Variants in VIT observed in about 807,000 individuals in gnomAD.
The protein encoded by VIT is vitrin.
A neutral mutation model predicts 78.0 loss-of-function variants in VIT; 99 were observed. That is an observed-to-expected ratio of 1.27 (90% CI 1.08 to 1.50). VIT has a LOEUF of 1.50. Among genes scored for constraint, VIT ranks in the 40% most tolerant of loss-of-function variants. The pLI, the probability that VIT is intolerant of heterozygous loss-of-function variation, is 0.00. For missense variants in VIT, 1,126 were observed against 875.3 expected, an observed-to-expected ratio of 1.29 and a Z score of -3.61; for synonymous variants, 374 against 334.3, an observed-to-expected ratio of 1.12 and a Z score of -1.29.
chr2:36,705,579 C>T (rs908620885), intron 1 of VIT, among the ~76,000 whole-genome samples: 1 of 152,160 alleles, frequency 6.6e-6, no homozygotes, highest in Non-Finnish European at 1.5e-5. Flanking sequence ...CACGGGCATA[C>T]ATCAGCTGTG....
Position 36,814,302 on chromosome 2 carries a change from T to C in VIT, c.2023T>C (p.Tyr675His). Residue 675 changes from tyrosine (Y) to histidine (H), a missense_variant, in exon 16 of 16, where the codon TAT becomes CAT. Tyr to His is a moderately conservative substitution (Grantham distance 83, BLOSUM62 2). Transcript: ENST00000379242. Reference sequence around the variant, plus strand: ...GGACGAGTTTGACAACCTCCATCAGTATGTCCCCAGGATCATCCAGAACAT... The same window carrying C: ...GGACGAGTTTGACAACCTCCATCAGCATGTCCCCAGGATCATCCAGAACAT... ...FVDEFDNLHQ[Y>H]VPRIIQNICT... is the part of the protein sequence containing the mutation. 4 of 1,614,206 alleles carry C rather than the reference T, an allele frequency of 2.5e-6. No individual in the cohort carries two copies. The highest frequency in any genetic ancestry group is 2.5e-6 in the Non-Finnish European group (3 of 1,180,040).
chr2:36,702,078 A>G (rs4670589), intron 1 of VIT, among the ~76,000 whole-genome samples: 126,530 of 152,126 alleles, frequency 0.83, 53,337 homozygotes, highest in Middle Eastern at 0.95. Flanking sequence ...GATGATTTGC[A>G]TTGCATGATT....
chr2:36,733,229 A>G (rs72855804), intron 3 of VIT, among the ~76,000 whole-genome samples: 7,168 of 152,214 alleles, frequency 0.047, 454 homozygotes, highest in African/African-American at 0.14. Flanking sequence ...ATACAGCTGT[A>G]ACTCCCTCCA....
intron 12 of VIT, among the ~76,000 whole-genome samples, chr2:36,800,087 C>G (rs1666209402): frequency 6.6e-6 from 1 of 151,876 alleles, no homozygotes; most frequent in South Asian, 2.1e-4. Flanking sequence ...TGGCTCACGC[C>G]TGTAATCCTA....
chr2:36,762,370 CAG>C (rs1669177167), intron 6 of VIT, among the ~76,000 whole-genome samples: 1 of 152,148 alleles, frequency 6.6e-6, no homozygotes, highest in Admixed American at 6.5e-5. Flanking sequence ...CTATGATGGT[CAG>C]AGTCGGAAAA....
At chr2:36,746,550 T>C (rs2148525708) in intron 4 of VIT, among the ~76,000 whole-genome samples, 1 of 152,280 alleles carries the variant, frequency 6.6e-6, no homozygotes, top group African/African-American at 2.4e-5. Context: ...TTACAGGACT[T>C]TATGCATTTC....
intron 12 of VIT, among the ~76,000 whole-genome samples, chr2:36,799,934 G>C (rs1666193356): frequency 6.6e-6 from 1 of 151,788 alleles, no homozygotes; most frequent in South Asian, 2.1e-4. Context: ...GGTAGTCCCA[G>C]CTACTTGGGA....
At chr2:36,749,836 T>C (rs1668351257) in intron 4 of VIT, among the ~76,000 whole-genome samples, 1 of 152,252 alleles carries the variant, frequency 6.6e-6, no homozygotes. Context: ...TGTTCAGTTG[T>C]ACCTCTGCAA....
At chr2:36,802,560 A>C (rs1666407791) in intron 13 of VIT, among the ~76,000 whole-genome samples, 1 of 152,192 alleles carries the variant, frequency 6.6e-6, no homozygotes, top group Non-Finnish European at 1.5e-5. Flanking sequence ...ATGCTAAATA[A>C]ACACTAGCCA....
intron 13 of VIT, among the ~76,000 whole-genome samples, chr2:36,801,634 C>T (rs559852329): frequency 2.0e-5 from 3 of 152,038 alleles, no homozygotes; most frequent in Admixed American, 1.3e-4. Context: ...ATGGTTAAAC[C>T]CTCTTTCTAC....
At chr2:36,800,278 G>C (rs1666225569) in intron 12 of VIT, among the ~76,000 whole-genome samples, 2 of 152,184 alleles carry the variant, frequency 1.3e-5, no homozygotes, top group Admixed American at 1.3e-4. Context: ...CCGGGCGGCA[G>C]AGGTTACAGT....
chr2:36,761,614 C>A (rs1669125527), intron 6 of VIT, among the ~76,000 whole-genome samples: 1 of 152,068 alleles, frequency 6.6e-6, no homozygotes, highest in African/African-American at 2.4e-5. Flanking sequence ...GTGACACGTG[C>A]CTGTAGTCCC....
intron 3 of VIT, among the ~76,000 whole-genome samples, chr2:36,734,829 T>C (rs1004620272): frequency 1.3e-5 from 2 of 152,152 alleles, no homozygotes; most frequent in African/African-American, 4.8e-5. Flanking sequence ...TTAGCACCAC[T>C]GGTGGGGGGG....
At chr2:36,786,882 C>T (rs1232002094) in intron 11 of VIT, among the ~76,000 whole-genome samples, 1 of 152,194 alleles carries the variant, frequency 6.6e-6, no homozygotes, top group East Asian at 1.9e-4. Flanking sequence ...TTCTGAAACC[C>T]ATAATTGTGG....
chr2:36,716,884 T>G (rs1274604820), intron 2 of VIT, among the ~76,000 whole-genome samples: 4 of 144,538 alleles, frequency 2.8e-5, no homozygotes, highest in African/African-American at 1.0e-4. Context: ...TTTTTTTTTT[T>G]TTTTTTTTTT....
At chr2:36,789,356 G>A (rs1478686057) in intron 12 of VIT, among the ~76,000 whole-genome samples, 1 of 152,194 alleles carries the variant, frequency 6.6e-6, no homozygotes, top group Non-Finnish European at 1.5e-5. Context: ...GACCAGCTCT[G>A]TATTCAGAAG....
intron 14 of VIT, among the ~76,000 whole-genome samples, chr2:36,808,247 G>T (rs1666871559): frequency 6.6e-6 from 1 of 152,178 alleles, no homozygotes; most frequent in Admixed American, 6.5e-5. Flanking sequence ...ACTAACGCAG[G>T]CAGGGACTCA....
intron 1 of VIT, among the ~76,000 whole-genome samples, chr2:36,699,176 G>A (rs1193932074): frequency 6.6e-6 from 1 of 152,142 alleles, no homozygotes; most frequent in African/African-American, 2.4e-5. Context: ...GGGCCTGTCT[G>A]TCAGTAGAAG....
At position 36,808,556 on chromosome 2, in the gene VIT, C is replaced by A. The variant is rs761963278; in HGVS notation, c.1474C>A (p.Arg492=). 3 of 1,614,106 alleles carry A rather than the reference C, an allele frequency of 1.9e-6. No homozygotes were observed. Among genetic ancestry groups the A allele is most frequent in the Non-Finnish European group, 2.5e-6 (3 of 1,180,030 alleles). Residue 492 remains arginine, a synonymous_variant, in exon 15 of 16, where the codon CGG becomes AGG. Transcript: ENST00000379242. ...LHKTLQPLVK[R]VCDTDRLACS... Reference sequence around the variant, plus strand: ...CAAGACCCTGCAGCCTCTGGTGAAGCGGGTCTGCGACACTGACCGCCTGGC... The same window carrying A: ...CAAGACCCTGCAGCCTCTGGTGAAGAGGGTCTGCGACACTGACCGCCTGGC...
Sources: allele counts gnomAD v4.1 joint callset (sites outside exome capture counted in the v4.1 genomes callset), GRCh38; gene constraint gnomAD v4.1.1; transcripts MANE v1.5; gene names NCBI Gene and HGNC (gene_info 2026-07-23, HGNC 2026-07-21).